The following CADPS2 variants were observed in gnomAD, a reference collection of about 807,000 sequenced individuals.
The protein encoded by CADPS2 is calcium dependent secretion activator 2.
CADPS2 carries 93 observed loss-of-function variants against 172.5 expected under a neutral mutation model. The ratio of observed to expected loss-of-function variants is 0.54; its 90% CI spans 0.46 to 0.64. The LOEUF is 0.64. Among genes scored for constraint, CADPS2 ranks in the 30% least tolerant of loss-of-function variants. The pLI is 0.00. For synonymous variants in CADPS2, 546 were observed against 555.2 expected (o/e 0.98, Z 0.23); for missense variants, 1,420 against 1,565.9 (o/e 0.91, Z 1.57).
intron 17 of CADPS2, chr7:122,436,264 C>T: frequency 1.6e-6 from 1 of 620,312 alleles, no homozygotes; most frequent in South Asian, 1.7e-5. Context: ...TAAATATGTA[C>T]AGCTTGCCTG....
chr7:122,697,815 T>G (rs146435283), intron 2 of CADPS2: 88 of 1,593,904 alleles, frequency 5.5e-5, no homozygotes, highest in Non-Finnish European at 6.8e-5. Context: ...CATCTTCCAC[T>G]ACTGAATGAG....
intron 11 of CADPS2, among the ~76,000 whole-genome samples, chr7:122,489,408 T>G (rs1326174741): frequency 6.6e-6 from 1 of 152,142 alleles, no homozygotes; most frequent in East Asian, 1.9e-4. Flanking sequence ...TAAAACAGGA[T>G]AAGCTTTGTA....
rs1355039667 is a variant in CADPS2 at position 122,668,411 on chromosome 7, A to C, written c.454-4842T>G. Reference sequence around the variant, plus strand: ...GGAGACAAAGTATGGTTAAAAAAAAAAAAAAAACAAAAACAAACTGAAAGA... The same window carrying C: ...GGAGACAAAGTATGGTTAAAAAAAACAAAAAAACAAAAACAAACTGAAAGA... On this transcript the variant is annotated intron_variant, in intron 2 of 29. Coordinates refer to ENST00000449022, the MANE Select transcript of CADPS2 (RefSeq NM_017954.11). Among the ~76,000 whole-genome samples, 3 of 151,820 alleles carry C rather than the reference A, an allele frequency of 2.0e-5. 1 individual carries two copies. Among genetic ancestry groups the C allele is most frequent in the Non-Finnish European group, 4.4e-5 (3 of 67,962 alleles).
chr7:122,691,615 AT>A (rs1303537380), intron 2 of CADPS2, among the ~76,000 whole-genome samples: 3 of 152,238 alleles, frequency 2.0e-5, no homozygotes, highest in African/African-American at 7.2e-5. Flanking sequence ...ATGACATATG[AT>A]GAGGCTATGC....
intron 2 of CADPS2, among the ~76,000 whole-genome samples, chr7:122,686,118 T>C (rs1325284117): frequency 6.6e-6 from 1 of 152,230 alleles, no homozygotes; most frequent in Non-Finnish European, 1.5e-5. Flanking sequence ...AATTAACTAT[T>C]CTCTTCCAGT....
intron 3 of CADPS2, among the ~76,000 whole-genome samples, chr7:122,639,980 T>G (rs913933039): frequency 1.3e-5 from 2 of 152,170 alleles, no homozygotes; most frequent in African/African-American, 4.8e-5. Flanking sequence ...CATTGCCTAC[T>G]CGAGTTTCAG....
chr7:122,589,994 A>G (rs573157666), intron 6 of CADPS2, among the ~76,000 whole-genome samples: 2 of 151,920 alleles, frequency 1.3e-5, no homozygotes, highest in African/African-American at 4.8e-5. Context: ...TACAGAACTT[A>G]TCCGTCACCA....
At chr7:122,609,042 A>T (rs964000960) in intron 6 of CADPS2, among the ~76,000 whole-genome samples, 7 of 152,078 alleles carry the variant, frequency 4.6e-5, no homozygotes, top group Admixed American at 2.0e-4. Flanking sequence ...TGACAAAATT[A>T]AAAAAGAGGT....
intron 28 of CADPS2, among the ~76,000 whole-genome samples, chr7:122,340,159 G>A (rs570698403): frequency 5.9e-5 from 9 of 152,044 alleles, no homozygotes; most frequent in African/African-American, 4.8e-5. Flanking sequence ...TTTATAAAAC[G>A]CTGTTTGGAT....
intron 9 of CADPS2, among the ~76,000 whole-genome samples, chr7:122,493,770 T>C (rs1334026603): frequency 6.6e-6 from 1 of 151,646 alleles, no homozygotes; most frequent in East Asian, 1.9e-4. Context: ...ATACTTTCAC[T>C]GTTATTTGAG....
At chr7:122,615,722 A>G (rs1208537112) in intron 5 of CADPS2, among the ~76,000 whole-genome samples, 1 of 152,062 alleles carries the variant, frequency 6.6e-6, no homozygotes, top group East Asian at 1.9e-4. Flanking sequence ...ATTGGTAAAC[A>G]TTGATACCAT....
intron 4 of CADPS2, among the ~76,000 whole-genome samples, chr7:122,623,730 C>T (rs563639088): frequency 2.9e-4 from 44 of 152,108 alleles, no homozygotes; most frequent in African/African-American, 3.9e-4. Flanking sequence ...ATTAATTATG[C>T]GTTGAATAAA....
intron 9 of CADPS2, among the ~76,000 whole-genome samples, chr7:122,494,752 T>C (rs1267608732): frequency 1.3e-5 from 2 of 152,098 alleles, no homozygotes; most frequent in African/African-American, 2.4e-5. Context: ...GCCAGTATCT[T>C]GTGATACTTG....
chr7:122,368,631 T>C (rs1359214459), intron 25 of CADPS2, among the ~76,000 whole-genome samples: 1 of 152,238 alleles, frequency 6.6e-6, no homozygotes, highest in African/African-American at 2.4e-5. Context: ...TTTGCAGTGC[T>C]AATATACATT....
intron 14 of CADPS2, among the ~76,000 whole-genome samples, chr7:122,452,197 T>C (rs1216909073): frequency 6.6e-6 from 1 of 152,216 alleles, no homozygotes; most frequent in Admixed American, 6.5e-5. Context: ...TTAGAATTTA[T>C]TCTGTATCAA....
intron 2 of CADPS2, among the ~76,000 whole-genome samples, chr7:122,731,138 C>A (rs2091600052): frequency 6.6e-6 from 1 of 151,372 alleles, no homozygotes; most frequent in Non-Finnish European, 1.5e-5. Context: ...TTAAATACCT[C>A]TCTCTCATTT....
intron 27 of CADPS2, chr7:122,354,484 T>C (rs2039107271): frequency 6.6e-6 from 1 of 152,156 alleles, no homozygotes; most frequent in Non-Finnish European, 1.5e-5. Flanking sequence ...AAGTACTCCA[T>C]ATTATTGTCA....
At chr7:122,363,900 A>G (rs899417048) in intron 25 of CADPS2, among the ~76,000 whole-genome samples, 1 of 152,168 alleles carries the variant, frequency 6.6e-6, no homozygotes, top group Non-Finnish European at 1.5e-5. Flanking sequence ...GTCTAATTCA[A>G]TTAAATCTAT....
At chr7:122,411,822 A>G (rs1247108637) in intron 19 of CADPS2, among the ~76,000 whole-genome samples, 1 of 152,110 alleles carries the variant, frequency 6.6e-6, no homozygotes, top group East Asian at 1.9e-4. Context: ...TGAGGGACAG[A>G]CGAATGAACA....
Sources: gnomAD v4.1 joint callset for allele counts (sites outside exome capture counted in the v4.1 genomes callset) on GRCh38, gnomAD v4.1.1 for gene constraint, MANE v1.5 for transcripts, NCBI Gene and HGNC (gene_info 2026-07-23, HGNC 2026-07-21) for gene names.